The following SCRN3 variants were observed in gnomAD, a reference collection of about 807,000 sequenced individuals.
The protein encoded by SCRN3 is secernin 3.
In SCRN3, 39 loss-of-function variants were observed where a neutral mutation model predicts 43.1. That is an observed-to-expected ratio of 0.91 (90% confidence interval 0.70 to 1.18). The LOEUF (loss-of-function observed/expected upper bound fraction) is 1.18, where lower values mean the gene tolerates loss of function less well. SCRN3 is among the 50% of genes most tolerant of loss of function. SCRN3 has a pLI of 0.00. For missense variants in SCRN3, 484 were observed against 498.0 expected (o/e 0.97, Z 0.27); for synonymous variants, 147 against 163.1 (o/e 0.90, Z 0.75).
At position 174,400,054 on chromosome 2, in the gene SCRN3, A is replaced by G; in HGVS notation, c.292A>G (p.Arg98Gly). 1 of 1,596,900 alleles carries G rather than the reference A, an allele frequency of 6.3e-7. No homozygotes were observed. The highest frequency in any genetic ancestry group is 8.5e-7 in the Non-Finnish European group (1 of 1,173,944). ...VCIGNEAVWG[R>G]EEVCDEEALL... is the part of the protein sequence containing the mutation. ...CATTGGGAATGAAGCTGTATGGGGAAGAGAAGAAGTTTGTGATGAAGAAGC... is the reference window on the plus strand; with the variant it reads ...CATTGGGAATGAAGCTGTATGGGGAGGAGAAGAAGTTTGTGATGAAGAAGC... Residue 98 changes from arginine to glycine, a missense_variant, in exon 3 of 8, where the codon AGA (arginine) becomes GGA (glycine). Physicochemically the swap from Arg to Gly is moderately radical, Grantham distance 125 (BLOSUM62 -2). Coordinates refer to ENST00000272732, the MANE Select transcript of SCRN3 (RefSeq NM_024583.5).
intron 5 of SCRN3, among the ~76,000 whole-genome samples, chr2:174,404,956 A>C (rs1181085444): frequency 2.5e-5 from 3 of 121,694 alleles, no homozygotes; most frequent in Non-Finnish European, 5.5e-5. Flanking sequence ...ATTTATAGTC[A>C]TTTGGGTATA....
chr2:174,396,187 C>A, intron 1 of SCRN3: 2 of 801,356 alleles, frequency 2.5e-6, no homozygotes, highest in African/African-American at 1.8e-5. Flanking sequence ...TGACAGACAG[C>A]TCTGCAAGAA....
chr2:174,425,593 T>TC (rs1686453915), intron 7 of SCRN3, among the ~76,000 whole-genome samples: 1 of 152,196 alleles, frequency 6.6e-6, no homozygotes. Context: ...TGCCTTTTTT[T>TC]CTCTCACCTA....
rs555001328 is a variant in SCRN3 at position 174,404,187 on chromosome 2, G to A, written c.626G>A (p.Arg209Gln). Residue 209 changes from arginine (R) to glutamine (Q), a missense_variant, in exon 5 of 8, where the codon CGG becomes CAG. Coordinates refer to ENST00000272732, the MANE Select transcript of SCRN3 (RefSeq NM_024583.5). Reference protein sequence around the residue: ...EHPDMRNYAKRKGWWDGKKEF... With the variant: ...EHPDMRNYAKQKGWWDGKKEF... ...CCAGACATGAGAAACTATGCTAAGC[G>A]GAAAGGTTGGTGGGATGGTAAAAAG... 5.0e-5 allele frequency: 80 copies of A among 1,613,842 alleles called. No homozygotes were observed. In the Middle Eastern group the frequency reaches 6.6e-4, roughly 13 times the overall value.
chr2:174,423,500 C>T (rs4972662), intron 6 of SCRN3, among the ~76,000 whole-genome samples: 35,928 of 152,006 alleles, frequency 0.24, 5,711 homozygotes, highest in East Asian at 0.7. Context: ...GACAGAGTCT[C>T]GCTCTGTCAC....
chr2:174,427,368 T>TA (rs901222561), intron 7 of SCRN3, among the ~76,000 whole-genome samples: 5 of 152,196 alleles, frequency 3.3e-5, no homozygotes, highest in East Asian at 1.9e-4. Context: ...TCAAAATTGA[T>TA]AAAAATATTT....
At chr2:174,398,089 C>T (rs1004616596) in intron 1 of SCRN3, 186 bp from the exon 2 acceptor site, 2 of 312,290 alleles carry the variant, frequency 6.4e-6, no homozygotes, top group African/African-American at 4.6e-5. Flanking sequence ...GATCATACAA[C>T]TGCACTCCAG....
At chr2:174,410,040 G>A (rs1321946303) in intron 5 of SCRN3, 10 of 160,010 alleles carry the variant, frequency 6.2e-5, no homozygotes, top group Non-Finnish European at 1.1e-4. Flanking sequence ...GGGCAATGGC[G>A]GGTGCCCCTC....
intron 7 of SCRN3, 48 bp downstream of exon 7, chr2:174,424,697 T>G (rs1359409081): frequency 6.8e-7 from 1 of 1,467,896 alleles, no homozygotes; most frequent in Non-Finnish European, 9.3e-7. Context: ...TAAAGTTAGA[T>G]TCAATCCGTA....
chr2:174,403,638 G>C (rs1396840074), intron 4 of SCRN3, among the ~76,000 whole-genome samples: 1 of 152,112 alleles, frequency 6.6e-6, no homozygotes, highest in Admixed American at 6.6e-5. Flanking sequence ...TAACATTCTT[G>C]AAATTACAGT....
chr2:174,424,083 G>A (rs1686396135), intron 6 of SCRN3, among the ~76,000 whole-genome samples: 1 of 152,064 alleles, frequency 6.6e-6, no homozygotes, highest in African/African-American at 2.4e-5. Context: ...GAGCCACTGT[G>A]CCCAGCATGT....
In SCRN3 at chr2:174,422,880, T is replaced by C. The variant is rs1007059988; in HGVS notation, c.755-5T>C. The stretch of plus-strand genomic sequence containing the variant: ...ATTTGATGATTTTAAAAATTATTTC[T>C]CTAGGAAATATAACTTTTGAAACAA... On this transcript the variant is annotated splice_polypyrimidine_tract_variant and splice_region_variant and intron_variant, in intron 5 of 7. Coordinates refer to ENST00000272732, the MANE Select transcript of SCRN3 (RefSeq NM_024583.5). 29 of 1,586,698 alleles carry C rather than the reference T, an allele frequency of 1.8e-5. No individual in the cohort carries two copies. The highest frequency in any genetic ancestry group is 2.2e-5 in the Non-Finnish European group (26 of 1,156,134).
At position 174,402,524 on chromosome 2, in the gene SCRN3, C is replaced by CA. The variant is rs142230703; in HGVS notation, c.541+1341dup. On this transcript the variant is annotated intron_variant, in intron 4 of 7. Coordinates refer to ENST00000272732, the MANE Select transcript of SCRN3 (RefSeq NM_024583.5). The stretch of plus-strand genomic sequence containing the variant: ...GCAACACAGTGAGACCTCAATTCTA[C>CA]AAAAAATACGAAAATTAGCTGAGTG... Among the ~76,000 whole-genome samples the CA allele has an allele frequency of 7.9e-5, 12 of 152,160 alleles. No individual in the cohort carries two copies. The East Asian group carries it at 2.1e-3, about 27-fold the overall frequency.
At chr2:174,411,176 G>A (rs947013071) in intron 5 of SCRN3, among the ~76,000 whole-genome samples, 3 of 152,100 alleles carry the variant, frequency 2.0e-5, no homozygotes, top group Admixed American at 1.3e-4. Context: ...TATTTTGTGG[G>A]CTCACCTGGA....
rs199584499 is a variant in SCRN3 at position 174,399,923 on chromosome 2, G to A, written c.161G>A (p.Cys54Tyr). The part of the protein sequence containing the change: ...VHDNLGERLK[C>Y]TYIEIDQVPE... ...ACTTTTTTTTTTTTTTTTTTACAGT[G>A]TACATATATAGAAATTGATCAAGTT... Residue 54 changes from cysteine to tyrosine, a missense_variant and splice_region_variant, in exon 3 of 8, where the codon TGT becomes TAT. Cys to Tyr is a radical substitution (Grantham distance 194, BLOSUM62 -2). Transcript: ENST00000272732. The A allele has an allele frequency of 4.4e-4, 584 of 1,316,316 alleles. 8 individuals are homozygous for A. In the South Asian group the frequency reaches 8.8e-3, roughly 20 times the overall value. 81.5% of individuals were successfully genotyped at this position (1,316,316 alleles called of 1,614,324 possible). A position where few individuals can be genotyped will look rare whatever the true frequency, so the allele number is the denominator to read the frequency against.
chr2:174,422,853 G>T (rs767566854), intron 5 of SCRN3, 32 bp from the exon 6 acceptor site: 3 of 1,449,032 alleles, frequency 2.1e-6, no homozygotes, highest in Non-Finnish European at 2.9e-6. Flanking sequence ...ATATGCATAT[G>T]TATTTGATGA....
At chr2:174,407,672 T>G (rs1289042240) in intron 5 of SCRN3, among the ~76,000 whole-genome samples, 6 of 125,580 alleles carry the variant, frequency 4.8e-5, no homozygotes. Context: ...TTTCTTCTCG[T>G]TGGTTTCAAA....
In SCRN3 at chr2:174,398,324, C is replaced by T. The variant is rs1045375989; in HGVS notation, c.41C>T (p.Pro14Leu). 1.3e-6 allele frequency: 2 copies of T among 1,599,224 alleles called. No individual in the cohort carries two copies. Among genetic ancestry groups the T allele is most frequent in the Non-Finnish European group, 1.7e-6 (2 of 1,174,812 alleles). The change falls in exon 2 of 8, where the codon CCA becomes CTA. Residue 14 changes from proline (P) to leucine (L), a missense_variant. By Grantham distance (98) the Pro-to-Leu change is moderately conservative. Coordinates refer to ENST00000272732, the MANE Select transcript of SCRN3 (RefSeq NM_024583.5). ...FSCDTFVALP[P>L]ATVDNRIIFG... ...TGTGACACTTTCGTGGCATTACCTC[C>T]AGCAACAGTCGATAACAGGATTATT...
chr2:174,413,044 T>A (rs972905719), intron 5 of SCRN3, among the ~76,000 whole-genome samples: 9 of 151,442 alleles, frequency 5.9e-5, no homozygotes, highest in Admixed American at 1.3e-4. Flanking sequence ...AATTTTGTAA[T>A]TTTTTTTAGT....
Sources: gnomAD v4.1 joint callset for allele counts (sites outside exome capture counted in the v4.1 genomes callset) on GRCh38, gnomAD v4.1.1 for gene constraint, MANE v1.5 for transcripts, NCBI Gene and HGNC (gene_info 2026-07-23, HGNC 2026-07-21) for gene names.